The following CDKAL1 variants were observed in gnomAD, a reference collection of about 807,000 sequenced individuals.
CDKAL1 encodes CDKAL1 threonylcarbamoyladenosine tRNA methylthiotransferase.
A neutral mutation model predicts 68.2 loss-of-function variants in CDKAL1; 32 were observed. The ratio of observed to expected loss-of-function variants is 0.47; its 90% CI spans 0.35 to 0.63. The LOEUF (loss-of-function observed/expected upper bound fraction) is 0.63, where lower values mean the gene tolerates loss of function less well. Among genes scored for constraint, CDKAL1 ranks in the 30% least tolerant of loss-of-function variants. The pLI is 0.00. For synonymous variants in CDKAL1, 234 were observed against 244.3 expected (o/e 0.96, Z 0.39); for missense variants, 606 against 696.7 (o/e 0.87, Z 1.47).
chr6:20,753,148 G>A (rs1276578236), intron 6 of CDKAL1, among the ~76,000 whole-genome samples: 2 of 147,414 alleles, frequency 1.4e-5, no homozygotes, highest in East Asian at 2.2e-4. Flanking sequence ...AAAAAACGCA[G>A]GTACTTCTTA....
intron 5 of CDKAL1, among the ~76,000 whole-genome samples, chr6:20,735,670 C>T (rs1483762981): frequency 1.3e-5 from 2 of 152,158 alleles, no homozygotes; most frequent in Non-Finnish European, 2.9e-5. Flanking sequence ...TGTTCTTATT[C>T]CCTTAAAATA....
chr6:21,058,169 G>A (rs185023108), intron 11 of CDKAL1, among the ~76,000 whole-genome samples: 1 of 152,286 alleles, frequency 6.6e-6, no homozygotes, highest in East Asian at 1.9e-4. Context: ...AGGTCTCTAA[G>A]AACTTGTTTT....
intron 9 of CDKAL1, among the ~76,000 whole-genome samples, chr6:20,864,266 C>G (rs1244930888): frequency 8.8e-5 from 9 of 102,232 alleles, no homozygotes; most frequent in African/African-American, 3.3e-4. Context: ...TAAAATGCAA[C>G]TGACATTTTG....
intron 15 of CDKAL1, among the ~76,000 whole-genome samples, chr6:21,212,286 T>C (rs1051246940): frequency 3.3e-5 from 5 of 152,056 alleles, no homozygotes; most frequent in African/African-American, 1.2e-4. Flanking sequence ...TAGGTTGAAA[T>C]CCTCTGTTAC....
chr6:20,968,720 A>G (rs62405352), intron 10 of CDKAL1, among the ~76,000 whole-genome samples: 15,093 of 151,814 alleles, frequency 0.099, 844 homozygotes, highest in Non-Finnish European at 0.12. Context: ...TTTAGTTCTT[A>G]TACATTCTAT....
At chr6:20,559,534 T>G (rs922559085) in intron 4 of CDKAL1, 1 of 152,220 alleles carries the variant, frequency 6.6e-6, no homozygotes, top group Non-Finnish European at 1.5e-5. Flanking sequence ...AGATCATTTT[T>G]CATCCTGTTC....
intron 7 of CDKAL1, chr6:20,773,187 T>G (rs1345477034): frequency 3.3e-5 from 5 of 152,258 alleles, no homozygotes; most frequent in Non-Finnish European, 5.9e-5. Context: ...CAAAGCTGCT[T>G]CTTCCATTTA....
At chr6:20,645,919 T>G (rs187717467) in intron 4 of CDKAL1, among the ~76,000 whole-genome samples, 4 of 151,934 alleles carry the variant, frequency 2.6e-5, no homozygotes, top group African/African-American at 9.7e-5. Context: ...GCAACACATC[T>G]TGTCCCACTG....
At chr6:21,160,435 T>C (rs952997063) in intron 13 of CDKAL1, among the ~76,000 whole-genome samples, 4 of 151,570 alleles carry the variant, frequency 2.6e-5, no homozygotes, top group Admixed American at 6.6e-5. Context: ...GTAGCTGGGA[T>C]TACAGGCGCC....
intron 10 of CDKAL1, among the ~76,000 whole-genome samples, chr6:20,975,966 C>G (rs1199715640): frequency 6.6e-6 from 1 of 152,090 alleles, no homozygotes; most frequent in Non-Finnish European, 1.5e-5. Flanking sequence ...ATGACACGTA[C>G]CCACCGTTAT....
At chr6:21,091,846 C>G (rs1208443870) in intron 12 of CDKAL1, among the ~76,000 whole-genome samples, 1 of 141,834 alleles carries the variant, frequency 7.1e-6, no homozygotes, top group East Asian at 2.0e-4. Context: ...CAGCAACAGG[C>G]TCAGAACTTT....
intron 4 of CDKAL1, among the ~76,000 whole-genome samples, chr6:20,609,376 T>C (rs12180975): frequency 7.5e-5 from 4 of 53,542 alleles, no homozygotes; most frequent in South Asian, 5.8e-4. Flanking sequence ...TCCTTCTCCT[T>C]CTTCTTCTTC....
intron 13 of CDKAL1, among the ~76,000 whole-genome samples, chr6:21,195,599 C>G (rs1778439797): frequency 6.6e-6 from 1 of 152,002 alleles, no homozygotes; most frequent in South Asian, 2.1e-4. Flanking sequence ...CACCCTCAAT[C>G]TGCCAGGCCC....
intron 9 of CDKAL1, among the ~76,000 whole-genome samples, chr6:20,855,473 G>C (rs1231856729): frequency 1.3e-5 from 1 of 76,740 alleles, no homozygotes; most frequent in Non-Finnish European, 2.6e-5. Flanking sequence ...AAAAAAAAAA[G>C]AACTTGCAGA....
chr6:21,051,779 A>G (rs557883237), intron 11 of CDKAL1, among the ~76,000 whole-genome samples: 7 of 152,334 alleles, frequency 4.6e-5, no homozygotes, highest in African/African-American at 1.7e-4. Context: ...ATTAAGCACT[A>G]TATGGGAAGC....
intron 10 of CDKAL1, among the ~76,000 whole-genome samples, chr6:20,998,337 C>A (rs569670108): frequency 6.6e-6 from 1 of 152,146 alleles, no homozygotes; most frequent in African/African-American, 2.4e-5. Context: ...TGAGGCCAGG[C>A]GCGGTGGCTC....
chr6:20,858,088 ACCT>A (rs1264536293), intron 9 of CDKAL1, among the ~76,000 whole-genome samples: 1 of 152,046 alleles, frequency 6.6e-6, no homozygotes, highest in Admixed American at 6.6e-5. Flanking sequence ...CGAATTCCTG[ACCT>A]CAAGTGATCT....
chr6:20,640,726 A>G (rs753106577), intron 4 of CDKAL1, among the ~76,000 whole-genome samples: 4 of 152,226 alleles, frequency 2.6e-5, no homozygotes, highest in South Asian at 2.1e-4. Context: ...CTAATGAGCC[A>G]TTATAATTTC....
chr6:21,092,907 G>C (rs1195681382), intron 12 of CDKAL1, among the ~76,000 whole-genome samples: 1 of 149,008 alleles, frequency 6.7e-6, no homozygotes, highest in Admixed American at 6.7e-5. Flanking sequence ...GGTTAAAGTA[G>C]AGAAAATCTC....
Sources: gnomAD v4.1 joint callset for allele counts (sites outside exome capture counted in the v4.1 genomes callset) on GRCh38, gnomAD v4.1.1 for gene constraint, MANE v1.5 for transcripts, NCBI Gene and HGNC (gene_info 2026-07-23, HGNC 2026-07-21) for gene names.